Variants in VEPH1 observed in about 807,000 individuals in gnomAD.
VEPH1 encodes the protein ventricular zone-expressed PH domain-containing protein homolog 1.
In VEPH1, 80 loss-of-function variants were observed where a neutral mutation model predicts 85.2. The observed-to-expected ratio is 0.94, with a 90% CI of 0.78 to 1.13. The LOEUF is 1.13. Ranked by LOEUF, VEPH1 falls within the 50% of genes most tolerant of loss-of-function variation. The pLI, the probability that VEPH1 is intolerant of heterozygous loss-of-function variation, is 0.00. For missense variants in VEPH1, 955 were observed against 980.5 expected (o/e 0.97, Z 0.35); for synonymous variants, 297 against 348.0 (o/e 0.85, Z 1.63).
intron 8 of VEPH1, among the ~76,000 whole-genome samples, chr3:157,364,093 AGATTT>A (rs1194112211): frequency 6.6e-6 from 1 of 152,232 alleles, no homozygotes; most frequent in Non-Finnish European, 1.5e-5. Flanking sequence ...TATAAGCAAT[AGATTT>A]GTTTTCCATT....
chr3:157,324,121 C>G (rs1721638605), intron 9 of VEPH1, among the ~76,000 whole-genome samples: 1 of 152,184 alleles, frequency 6.6e-6, no homozygotes, highest in South Asian at 2.1e-4. Flanking sequence ...GTGGTGCAAT[C>G]TGAGCTCACT....
chr3:157,307,027 T>G (rs994245534), intron 11 of VEPH1, among the ~76,000 whole-genome samples: 3 of 152,058 alleles, frequency 2.0e-5, no homozygotes, highest in Non-Finnish European at 4.4e-5. Flanking sequence ...CATTATTTTG[T>G]TCTTTTTAAT....
chr3:157,330,919 C>T (rs1722428853), intron 9 of VEPH1, among the ~76,000 whole-genome samples: 1 of 152,244 alleles, frequency 6.6e-6, no homozygotes, highest in East Asian at 1.9e-4. Flanking sequence ...GGTCCTCATT[C>T]TTCTATCCTG....
chr3:157,411,835 C>CT (rs1427048240), intron 6 of VEPH1, among the ~76,000 whole-genome samples: 2 of 152,182 alleles, frequency 1.3e-5, no homozygotes, highest in Non-Finnish European at 2.9e-5. Flanking sequence ...CACTGAGAGT[C>CT]ATACAAGTGT....
intron 4 of VEPH1, chr3:157,437,095 C>A: frequency 6.2e-7 from 1 of 1,607,946 alleles, no homozygotes; most frequent in South Asian, 1.1e-5. Flanking sequence ...CTCTGCTAAC[C>A]CTGACTACAT....
At chr3:157,313,832 C>G in intron 10 of VEPH1, 77 bp from the exon 11 acceptor site, 1 of 1,532,722 alleles carries the variant, frequency 6.5e-7, no homozygotes, top group Non-Finnish European at 8.9e-7. Flanking sequence ...TTTCAAGGCA[C>G]TGTTTAGGCT....
chr3:157,379,454 C>T (rs567182421), intron 7 of VEPH1, among the ~76,000 whole-genome samples: 8 of 152,228 alleles, frequency 5.3e-5, no homozygotes, highest in South Asian at 4.1e-4. Context: ...GTGAAATATT[C>T]GACTTTCTGG....
chr3:157,378,306 GTATATATATATATA>G (rs56800722), intron 7 of VEPH1, among the ~76,000 whole-genome samples: 1,114 of 94,454 alleles, frequency 0.012, 17 homozygotes, highest in African/African-American at 0.026. Flanking sequence ...TTTTTGAATG[GTATATATATATATA>G]TATATATATA....
chr3:157,271,948 C>A (rs1314394916), intron 12 of VEPH1, among the ~76,000 whole-genome samples: 2 of 152,204 alleles, frequency 1.3e-5, no homozygotes, highest in Non-Finnish European at 2.9e-5. Flanking sequence ...GTGGTAATAT[C>A]AGCCATTTAG....
chr3:157,417,112 T>A (rs754454680), intron 5 of VEPH1, among the ~76,000 whole-genome samples: 1 of 152,182 alleles, frequency 6.6e-6, no homozygotes, highest in Non-Finnish European at 1.5e-5. Context: ...AAGCTTGTTA[T>A]GATAATGATA....
Position 157,286,533 on chromosome 3 carries a change from T to G in VEPH1, c.2128+24A>C, listed in dbSNP as rs199867998. ...TGTAATTTGGGGCACAAATGGTTCT[T>G]AGCAGCAGGTAAGGGTCTCTCACCA... On this transcript the variant is annotated intron_variant, in intron 12 of 13. Coordinates refer to ENST00000362010, the MANE Select transcript of VEPH1 (RefSeq NM_001167912.2). The G allele has an allele frequency of 7.9e-5, 126 of 1,588,644 alleles. No homozygotes were observed. The East Asian group carries it at 2.6e-3, about 33-fold the overall frequency.
intron 6 of VEPH1, among the ~76,000 whole-genome samples, chr3:157,386,772 G>C (rs769248491): frequency 6.6e-6 from 1 of 152,198 alleles, no homozygotes; most frequent in African/African-American, 2.4e-5. Context: ...ATATGACTAC[G>C]AGTACAGTGT....
chr3:157,398,703 C>T (rs73020257), intron 6 of VEPH1, among the ~76,000 whole-genome samples: 10,199 of 151,996 alleles, frequency 0.067, 512 homozygotes, highest in South Asian at 0.18. Flanking sequence ...AAAGGGCGGG[C>T]TCAACTATGA....
At chr3:157,477,016 G>A (rs901894706) in intron 2 of VEPH1, among the ~76,000 whole-genome samples, 1 of 152,180 alleles carries the variant, frequency 6.6e-6, no homozygotes, top group African/African-American at 2.4e-5. Context: ...GGTTGTAAAG[G>A]AGGGATACTG....
At chr3:157,463,038 G>A (rs1384332091) in intron 3 of VEPH1, among the ~76,000 whole-genome samples, 1 of 152,176 alleles carries the variant, frequency 6.6e-6, no homozygotes, top group Non-Finnish European at 1.5e-5. Context: ...TGAGACTCAA[G>A]GAAACATGGT....
chr3:157,426,443 C>G (rs1309509793), intron 5 of VEPH1, among the ~76,000 whole-genome samples: 2 of 152,178 alleles, frequency 1.3e-5, no homozygotes, highest in Non-Finnish European at 2.9e-5. Context: ...TCTGAGAAAT[C>G]AAAATAGAGA....
chr3:157,469,806 C>T (rs1356948139), intron 3 of VEPH1, among the ~76,000 whole-genome samples: 1 of 152,196 alleles, frequency 6.6e-6, no homozygotes, highest in African/African-American at 2.4e-5. Flanking sequence ...TCCAAATTCA[C>T]ATTTATACCA....
intron 9 of VEPH1, among the ~76,000 whole-genome samples, chr3:157,353,225 C>T (rs1725064450): frequency 6.6e-6 from 1 of 151,864 alleles, no homozygotes; most frequent in Admixed American, 6.6e-5. Flanking sequence ...GTTCAAATTT[C>T]CCCCTCCCTC....
chr3:157,467,061 T>A (rs1007105307), intron 3 of VEPH1, among the ~76,000 whole-genome samples: 1 of 151,630 alleles, frequency 6.6e-6, no homozygotes, highest in African/African-American at 2.4e-5. Context: ...TCACCTGAAG[T>A]AGGTTTGAGC....
Sources: gnomAD v4.1 joint callset for allele counts (sites outside exome capture counted in the v4.1 genomes callset) on GRCh38, gnomAD v4.1.1 for gene constraint, MANE v1.5 for transcripts, NCBI Gene and HGNC (gene_info 2026-07-23, HGNC 2026-07-21) for gene names.